KLHL29: variants seen among roughly 807,000 people sequenced by gnomAD.
KLHL29 encodes kelch like family member 29.
Under a neutral mutation model 80.4 loss-of-function variants are expected in KLHL29, and 21 were observed. That is an observed-to-expected ratio of 0.26 (90% confidence interval 0.19 to 0.38). The LOEUF (loss-of-function observed/expected upper bound fraction) is 0.38, where lower values mean the gene tolerates loss of function less well. Ranked by LOEUF, KLHL29 falls within the 10% of genes least tolerant of loss-of-function variation. The pLI, the probability that KLHL29 is intolerant of heterozygous loss-of-function variation, is 1.00. For synonymous variants in KLHL29, 511 were observed against 526.8 expected, an observed-to-expected ratio of 0.97 and a Z score of 0.41; for missense variants, 867 against 1,223.9, an observed-to-expected ratio of 0.71 and a Z score of 4.35.
Position 23,596,782 on chromosome 2 carries a change from C to T in KLHL29, c.285+34301C>T, listed in dbSNP as rs975540402. On this transcript the variant is annotated intron_variant, in intron 3 of 13. Coordinates refer to ENST00000486442, the MANE Select transcript of KLHL29 (RefSeq NM_052920.2). This position sits in a 1 kb window ranked among gnomAD's most constrained non-coding sequence, Gnocchi z 4.4. ...GAAATTATTTTCTTCATCTCAGAAA[C>T]AGGTTCCCCCAGGAGGACATAAATA... 1.3e-4 allele frequency among the ~76,000 whole-genome samples: 20 copies of T among 152,192 alleles called. No homozygotes were observed. Among genetic ancestry groups the T allele is most frequent in the African/African-American group, 4.8e-4 (20 of 41,462 alleles).
intron 1 of KLHL29, among the ~76,000 whole-genome samples, chr2:23,396,261 C>T (rs1666450305): frequency 1.3e-5 from 2 of 152,150 alleles, no homozygotes; most frequent in African/African-American, 4.8e-5. Flanking sequence ...TTAGGTGCCT[C>T]CCCAGTCGGT....
At chr2:23,663,527 AT>A (rs1262807890) in intron 5 of KLHL29, among the ~76,000 whole-genome samples, 1 of 152,178 alleles carries the variant, frequency 6.6e-6, no homozygotes, top group Non-Finnish European at 1.5e-5. Context: ...TACCCTGGAT[AT>A]TTATAACTTC....
Position 23,691,656 on chromosome 2 carries a change from C to T in KLHL29, c.1080-18C>T, listed in dbSNP as rs947355444. On this transcript the variant is annotated intron_variant, in intron 6 of 13. Coordinates refer to ENST00000486442, the MANE Select transcript of KLHL29 (RefSeq NM_052920.2). ...GCCGCAGGGCAGGAGGTAAGGACAC[C>T]CTGGTCTCTGTGCCTAGGTCCGTGC... The T allele has an allele frequency of 6.4e-7, 1 of 1,550,802 alleles. No individual in the cohort carries two copies. Among genetic ancestry groups the T allele is most frequent in the Non-Finnish European group, 8.7e-7 (1 of 1,146,452 alleles).
chr2:23,480,448 C>G (rs1044605565), intron 2 of KLHL29, among the ~76,000 whole-genome samples: 1 of 152,010 alleles, frequency 6.6e-6, no homozygotes, highest in African/African-American at 2.4e-5. Flanking sequence ...GATCGCACCA[C>G]TGCACCACTC....
chr2:23,526,126 G>A (rs886373566), intron 2 of KLHL29, among the ~76,000 whole-genome samples: 15 of 152,252 alleles, frequency 9.9e-5, no homozygotes, highest in African/African-American at 2.9e-4. Context: ...GGATCCCATC[G>A]TGAGGAGTGT....
chr2:23,667,143 T>G (rs559551601), intron 5 of KLHL29: 37 of 152,342 alleles, frequency 2.4e-4, no homozygotes, highest in African/African-American at 8.9e-4. Context: ...CAAGAATTCA[T>G]AGGTGGCTGC....
intron 3 of KLHL29, among the ~76,000 whole-genome samples, chr2:23,597,309 A>ATGTGTGTGTGTGTGTGTGTG (rs1217422868): frequency 9.0e-4 from 90 of 100,506 alleles, no homozygotes; most frequent in African/African-American, 3.4e-3. Context: ...ATATATATAT[A>ATGTGTGTGTGTGTGTGTGTG]TGTGTGTGTG....
At chr2:23,413,521 C>A (rs879842159) in intron 1 of KLHL29, among the ~76,000 whole-genome samples, 3 of 152,096 alleles carry the variant, frequency 2.0e-5, no homozygotes, top group African/African-American at 7.2e-5. Flanking sequence ...TGTAACTATC[C>A]GCTCATTTAT....
At chr2:23,686,511 G>A (rs903899177) in intron 6 of KLHL29, among the ~76,000 whole-genome samples, 15 of 152,120 alleles carry the variant, frequency 9.9e-5, no homozygotes, top group African/African-American at 3.6e-4. Flanking sequence ...TGACACCTCC[G>A]GGGGATGGGC....
intron 3 of KLHL29, among the ~76,000 whole-genome samples, chr2:23,577,568 G>A (rs1294945016): frequency 3.3e-5 from 5 of 152,036 alleles, no homozygotes; most frequent in Admixed American, 2.0e-4. Flanking sequence ...CAAACATGGC[G>A]AAACCCCTGT....
intron 1 of KLHL29, among the ~76,000 whole-genome samples, chr2:23,438,554 AT>A (rs1268085749): frequency 1.3e-5 from 2 of 150,228 alleles, no homozygotes; most frequent in Non-Finnish European, 2.9e-5. Flanking sequence ...CCTTTTCTGC[AT>A]CTATTGAGAT....
At position 23,703,850 on chromosome 2, in the gene KLHL29, C is replaced by T. The variant is rs1672547143; in HGVS notation, c.2431C>T (p.Arg811Cys). The T allele has an allele frequency of 2.0e-6, 3 of 1,536,750 alleles. No homozygotes were observed. Among genetic ancestry groups the T allele is most frequent in the Non-Finnish European group, 2.6e-6 (3 of 1,146,670 alleles). Residue 811 changes from arginine (R) to cysteine (C), a missense_variant, in exon 13 of 14, where the codon CGC becomes TGC. By Grantham distance (180) the Arg-to-Cys change is radical. Around this residue, in one of 2 missense-constraint regions of KLHL29, gnomAD observed 443 missense variants for 767.0 expected, o/e 0.58. Coordinates refer to ENST00000486442, the MANE Select transcript of KLHL29 (RefSeq NM_052920.2). ...IKAGPNMNHS[R>C]QFCSAVVLDG... ...GGCGGGCCCAAACATGAACCACTCT[C>T]GCCAGTTCTGCAGGTGAGAGGCTGC...
At position 23,656,235 on chromosome 2, in the gene KLHL29, G is replaced by A. The variant is rs186102298; in HGVS notation, c.940+13385G>A. Among the ~76,000 whole-genome samples, 314 of 152,296 alleles carry A rather than the reference G, an allele frequency of 2.1e-3. 3 individuals carry two copies. Among genetic ancestry groups the A allele is most frequent in the Non-Finnish European group, 2.8e-3 (191 of 68,016 alleles). ...CCTACCCGCCAAGGGGACCGTCGCC[G>A]GCAGATGAAAGCCAGCTTTGAGGAG... On this transcript the variant is annotated intron_variant, in intron 5 of 13. Transcript: ENST00000486442.
In KLHL29 at chr2:23,642,646, C is replaced by G. The variant is rs760525534; in HGVS notation, c.736C>G (p.Arg246Gly). ...ACTGCCCGGTGTGGGGCAGGTGGCC[C>G]GCCCAGGACCCACCGCTGTGGGCAA... ...STLPGVGQVA[R>G]PGPTAVGNGH... Residue 246 changes from arginine (R) to glycine (G), a missense_variant, in exon 5 of 14, where the codon CGC becomes GGC. By Grantham distance (125) the Arg-to-Gly change is moderately radical. This residue lies in a region of KLHL29 where 424 missense variants were observed against 456.9 expected (regional missense o/e 0.93). Transcript: ENST00000486442. 6.5e-7 allele frequency: 1 copy of G among 1,548,464 alleles called. No homozygotes were observed. The highest frequency in any genetic ancestry group is 8.7e-7 in the Non-Finnish European group (1 of 1,145,768).
intron 1 of KLHL29, among the ~76,000 whole-genome samples, chr2:23,439,297 T>G (rs1389004198): frequency 4.6e-5 from 7 of 152,198 alleles, no homozygotes; most frequent in South Asian, 2.1e-4. Context: ...GGGTTTTTTT[T>G]GTCTTCATTT....
At chr2:23,391,986 C>G (rs933714445) in intron 1 of KLHL29, among the ~76,000 whole-genome samples, 19 of 152,218 alleles carry the variant, frequency 1.2e-4, no homozygotes, top group Non-Finnish European at 2.5e-4. Context: ...CGTTGAAGTC[C>G]CGTCTCCAGT....
chr2:23,399,878 C>A (rs1666546091), intron 1 of KLHL29, among the ~76,000 whole-genome samples: 1 of 152,188 alleles, frequency 6.6e-6, no homozygotes. Flanking sequence ...TGCTGTTGAC[C>A]TGTGCTGATG....
At chr2:23,387,040 C>A (rs1303080672) in intron 1 of KLHL29, among the ~76,000 whole-genome samples, 2 of 151,946 alleles carry the variant, frequency 1.3e-5, no homozygotes, top group African/African-American at 2.4e-5. Flanking sequence ...TAAGGAGCTG[C>A]CGCCGCCGCC....
intron 4 of KLHL29, among the ~76,000 whole-genome samples, chr2:23,639,797 C>T (rs1669716702): frequency 1.3e-5 from 2 of 152,158 alleles, no homozygotes. Context: ...ACACAGAACA[C>T]CTCGATTTGG....
Sources: allele counts gnomAD v4.1 joint callset (sites outside exome capture counted in the v4.1 genomes callset), GRCh38; gene constraint gnomAD v4.1.1; regional missense constraint gnomAD v4.1.1; non-coding constraint Gnocchi (gnomAD v3.1); transcripts MANE v1.5; gene names NCBI Gene and HGNC (gene_info 2026-07-23, HGNC 2026-07-21).